The following THSD7B variants were observed in gnomAD, a reference collection of about 807,000 sequenced individuals.
The protein encoded by THSD7B is thrombospondin type-1 domain-containing protein 7B.
THSD7B carries 138 observed loss-of-function variants against 213.6 expected under a neutral mutation model. That is an observed-to-expected ratio of 0.65 (90% CI 0.56 to 0.74). The LOEUF is 0.74. THSD7B is among the 30% of genes least tolerant of loss of function. THSD7B has a pLI of 0.00. For missense variants in THSD7B, 1,931 were observed against 1,991.5 expected, an observed-to-expected ratio of 0.97 and a Z score of 0.58; for synonymous variants, 742 against 687.0, an observed-to-expected ratio of 1.08 and a Z score of -1.25.
chr2:136,966,071 T>A (rs537473397), intron 2 of THSD7B, among the ~76,000 whole-genome samples: 5 of 152,266 alleles, frequency 3.3e-5, no homozygotes, highest in African/African-American at 1.2e-4. Flanking sequence ...GTGCTTAAAA[T>A]TGAACTGATG....
intron 2 of THSD7B, among the ~76,000 whole-genome samples, chr2:136,908,286 G>A (rs952557368): frequency 2.0e-5 from 3 of 152,246 alleles, no homozygotes; most frequent in Admixed American, 6.5e-5. Flanking sequence ...TAATATTTAT[G>A]TTGATTGGCC....
intron 12 of THSD7B, among the ~76,000 whole-genome samples, chr2:137,306,628 A>G (rs1158009551): frequency 6.6e-6 from 1 of 152,074 alleles, no homozygotes; most frequent in African/African-American, 2.4e-5. Context: ...CTAGTGAAAA[A>G]GAATTATATT....
intron 14 of THSD7B, among the ~76,000 whole-genome samples, chr2:137,424,231 C>A (rs536322947): frequency 7.4e-4 from 113 of 152,182 alleles, no homozygotes; most frequent in South Asian, 5.0e-3. Context: ...AAAAGCATAT[C>A]TTCTAGACTT....
chr2:137,440,651 C>T (rs1196645018), intron 14 of THSD7B, among the ~76,000 whole-genome samples: 1 of 152,024 alleles, frequency 6.6e-6, no homozygotes, highest in Admixed American at 6.6e-5. Flanking sequence ...TCTGCATTTT[C>T]AAGGGAAGTC....
chr2:136,813,281 A>G (rs1263740471), intron 1 of THSD7B, among the ~76,000 whole-genome samples: 1 of 152,188 alleles, frequency 6.6e-6, no homozygotes, highest in Admixed American at 6.5e-5. Flanking sequence ...TCTTAATTAA[A>G]GCCATTTAAC....
chr2:137,040,400 T>A (rs1408992279), intron 2 of THSD7B, among the ~76,000 whole-genome samples: 1 of 21,778 alleles, frequency 4.6e-5, no homozygotes, highest in Non-Finnish European at 5.4e-4. Context: ...CTTCCTCTTC[T>A]TTTTTTTTTT....
In THSD7B at chr2:137,115,266, G is replaced by A; in HGVS notation, c.1342G>A (p.Ala448Thr). The change falls in exon 5 of 28, where the codon GCA becomes ACA. Residue 448 changes from alanine to threonine, a missense_variant. Coordinates refer to ENST00000409968, the MANE Select transcript of THSD7B (RefSeq NM_001316349.2). ...GGTGTACTGTGCCCAGAGCGTACCA[G>A]CAGCTGCCGCACTGAGGGCCAAGGA... ...REVYCAQSVP[A>T]AAALRAKEVS... The A allele has an allele frequency of 3.8e-6, 6 of 1,597,366 alleles. No individual in the cohort carries two copies. Among genetic ancestry groups the A allele is most frequent in the Non-Finnish European group, 4.3e-6 (5 of 1,172,392 alleles).
intron 15 of THSD7B, among the ~76,000 whole-genome samples, chr2:137,472,980 G>T (rs1558807961): frequency 6.6e-6 from 1 of 151,796 alleles, no homozygotes; most frequent in African/African-American, 2.4e-5. Context: ...TATTTTAAAA[G>T]TTTTTATGTA....
chr2:136,835,078 C>A (rs78649831), intron 1 of THSD7B, among the ~76,000 whole-genome samples: 2,933 of 152,232 alleles, frequency 0.019, 33 homozygotes, highest in Middle Eastern at 0.085. Context: ...AGAGCCAACA[C>A]GCAACTCTGA....
At chr2:137,350,453 G>T (rs973748375) in intron 12 of THSD7B, among the ~76,000 whole-genome samples, 12 of 151,790 alleles carry the variant, frequency 7.9e-5, no homozygotes, top group Non-Finnish European at 1.6e-4. Context: ...AAATCTAGCA[G>T]TGGAGAAAGT....
intron 12 of THSD7B, among the ~76,000 whole-genome samples, chr2:137,403,034 C>CA (rs1686407802): frequency 6.6e-6 from 1 of 152,104 alleles, no homozygotes; most frequent in Non-Finnish European, 1.5e-5. Context: ...TTGCTGTATT[C>CA]ATCATTAATG....
intron 20 of THSD7B, among the ~76,000 whole-genome samples, chr2:137,640,780 C>T (rs1217504938): frequency 6.6e-6 from 1 of 152,164 alleles, no homozygotes; most frequent in Non-Finnish European, 1.5e-5. Flanking sequence ...CACACATTTG[C>T]ATATAACATA....
intron 2 of THSD7B, among the ~76,000 whole-genome samples, chr2:137,032,018 T>C (rs1009297959): frequency 1.3e-5 from 2 of 152,078 alleles, no homozygotes; most frequent in Non-Finnish European, 2.9e-5. Context: ...TTTTGTATTT[T>C]TTTGTGGTGA....
intron 1 of THSD7B, among the ~76,000 whole-genome samples, chr2:136,866,998 C>A (rs561482594): frequency 6.6e-6 from 1 of 151,744 alleles, no homozygotes; most frequent in Non-Finnish European, 1.5e-5. Context: ...ATAGAATGTA[C>A]CTTGCTTTAC....
intron 7 of THSD7B, among the ~76,000 whole-genome samples, chr2:137,195,247 T>TA (rs1680735026): frequency 6.7e-6 from 1 of 149,290 alleles, no homozygotes; most frequent in Non-Finnish European, 1.5e-5. Context: ...TATATATATA[T>TA]ATATACACAC....
chr2:137,446,754 A>G (rs776650778), intron 14 of THSD7B, among the ~76,000 whole-genome samples: 11 of 152,010 alleles, frequency 7.2e-5, no homozygotes, highest in Non-Finnish European at 1.5e-4. Flanking sequence ...GGTAGAAAAA[A>G]CTGCTTTTTT....
At chr2:137,138,709 C>G (rs1276415249) in intron 5 of THSD7B, among the ~76,000 whole-genome samples, 2 of 152,150 alleles carry the variant, frequency 1.3e-5, no homozygotes, top group Non-Finnish European at 2.9e-5. Flanking sequence ...TGTTTAGATT[C>G]ATTGTCATCC....
At chr2:137,014,933 C>T (rs1415795307) in intron 2 of THSD7B, among the ~76,000 whole-genome samples, 1 of 152,122 alleles carries the variant, frequency 6.6e-6, no homozygotes, top group East Asian at 1.9e-4. Flanking sequence ...TCCTTCCCTA[C>T]CTGCCTCTGT....
intron 3 of THSD7B, among the ~76,000 whole-genome samples, chr2:137,059,931 G>A (rs1304833561): frequency 6.6e-6 from 1 of 152,128 alleles, no homozygotes; most frequent in Non-Finnish European, 1.5e-5. Flanking sequence ...AGTATGTTTA[G>A]TTTTGTAAGA....
Sources: gnomAD v4.1 joint callset for allele counts (sites outside exome capture counted in the v4.1 genomes callset) on GRCh38, gnomAD v4.1.1 for gene constraint, MANE v1.5 for transcripts, NCBI Gene and HGNC (gene_info 2026-07-23, HGNC 2026-07-21) for gene names.